CADM2: variants seen among roughly 807,000 people sequenced by gnomAD.
CADM2 encodes cell adhesion molecule 2.
A neutral mutation model predicts 49.8 loss-of-function variants in CADM2; 12 were observed. The observed-to-expected ratio is 0.24, with a 90% CI of 0.15 to 0.39. CADM2 has a LOEUF of 0.39. Among genes scored for constraint, CADM2 ranks in the 10% least tolerant of loss-of-function variants. CADM2 has a pLI of 1.00. For missense variants in CADM2, 378 were observed against 492.3 expected (o/e 0.77, Z 2.20); for synonymous variants, 214 against 175.4 (o/e 1.22, Z -1.74).
chr3:85,508,107 A>G (rs2040438945), intron 1 of CADM2, among the ~76,000 whole-genome samples: 2 of 152,162 alleles, frequency 1.3e-5, no homozygotes, highest in African/African-American at 2.4e-5. Context: ...AAGAAAGTAC[A>G]AAGAGGTGAA....
chr3:85,779,949 T>C (rs943406331), intron 2 of CADM2, among the ~76,000 whole-genome samples: 4 of 152,108 alleles, frequency 2.6e-5, no homozygotes, highest in African/African-American at 4.8e-5. Context: ...CTGGTGAAGA[T>C]ATAGATACGA....
intron 2 of CADM2, among the ~76,000 whole-genome samples, chr3:85,748,077 C>T (rs2068692115): frequency 6.6e-6 from 1 of 151,900 alleles, no homozygotes; most frequent in Non-Finnish European, 1.5e-5. Flanking sequence ...TTTAAAAATG[C>T]ATGTGTGTGA....
intron 1 of CADM2, among the ~76,000 whole-genome samples, chr3:85,322,562 AATT>A (rs2044641700): frequency 6.6e-6 from 1 of 152,234 alleles, no homozygotes; most frequent in Non-Finnish European, 1.5e-5. Context: ...AGGCTCAAGA[AATT>A]ATTAATAGAA....
chr3:85,714,620 C>T (rs915700459), intron 1 of CADM2, among the ~76,000 whole-genome samples: 4 of 151,978 alleles, frequency 2.6e-5, no homozygotes, highest in Admixed American at 6.6e-5. Flanking sequence ...TTAGTAGAGA[C>T]GGGGTTTCAC....
Position 85,880,600 on chromosome 3 carries a change from A to G in CADM2, c.239-2691A>G, listed in dbSNP as rs149220094. ...TCATAGTTGATAGTTCTTTTTCAGA[A>G]GTTGAAAAATGCACCACTTCCTCTG... On this transcript the variant is annotated intron_variant, in intron 3 of 9. Coordinates refer to ENST00000383699, the MANE Select transcript of CADM2 (RefSeq NM_001167675.2). Among the ~76,000 whole-genome samples the G allele has an allele frequency of 2.0e-4, 31 of 152,326 alleles. No individual in the cohort carries two copies. In the East Asian group the frequency reaches 2.7e-3, roughly 13 times the overall value.
intron 1 of CADM2, among the ~76,000 whole-genome samples, chr3:85,650,544 G>A (rs2065015742): frequency 6.7e-6 from 1 of 148,588 alleles, no homozygotes. Context: ...ATGCCAAAAT[G>A]CTAAATCTGA....
intron 1 of CADM2, among the ~76,000 whole-genome samples, chr3:84,978,876 A>T (rs1020971668): frequency 6.6e-6 from 1 of 152,204 alleles, no homozygotes; most frequent in Non-Finnish European, 1.5e-5. Flanking sequence ...GGCACTTTAG[A>T]TTTAAACATG....
At chr3:85,206,944 A>G (rs2041657701) in intron 1 of CADM2, among the ~76,000 whole-genome samples, 1 of 150,402 alleles carries the variant, frequency 6.6e-6, no homozygotes, top group Non-Finnish European at 1.5e-5. Context: ...CTCCTCAAAT[A>G]AATAATATTT....
intron 1 of CADM2, among the ~76,000 whole-genome samples, chr3:85,072,829 T>TTTAA (rs1166065992): frequency 6.6e-6 from 1 of 152,090 alleles, no homozygotes; most frequent in Non-Finnish European, 1.5e-5. Context: ...TAAAAATGAT[T>TTTAA]ACCTTAAAAA....
At chr3:86,017,403 A>T (rs1732415565) in intron 8 of CADM2, among the ~76,000 whole-genome samples, 1 of 152,018 alleles carries the variant, frequency 6.6e-6, no homozygotes, top group Non-Finnish European at 1.5e-5. Flanking sequence ...TTTTTACTTG[A>T]TCATAAAATA....
At chr3:85,956,932 A>G (rs1051818698) in intron 7 of CADM2, among the ~76,000 whole-genome samples, 3 of 151,674 alleles carry the variant, frequency 2.0e-5, no homozygotes, top group African/African-American at 4.8e-5. Flanking sequence ...AAGTTCAAAC[A>G]TCAAGAAAAG....
intron 1 of CADM2, among the ~76,000 whole-genome samples, chr3:85,284,215 G>T (rs2043572516): frequency 6.6e-6 from 1 of 152,058 alleles, no homozygotes; most frequent in South Asian, 2.1e-4. Context: ...AGCTCTAAGA[G>T]TTTGAGGATC....
At chr3:85,949,069 T>C (rs1723081650) in intron 7 of CADM2, among the ~76,000 whole-genome samples, 1 of 151,438 alleles carries the variant, frequency 6.6e-6, no homozygotes, top group African/African-American at 2.4e-5. Context: ...ATTGAAAATA[T>C]AACAGCAATG....
intron 3 of CADM2, among the ~76,000 whole-genome samples, chr3:85,818,172 G>A (rs2073334341): frequency 2.0e-5 from 3 of 152,078 alleles, no homozygotes. Context: ...ACGAAACGGA[G>A]ATTTCTAATT....
chr3:85,778,556 C>A lies in CADM2; in HGVS notation c.89-23491C>A, dbSNP rs77430685. ...CTTGCACTCACTCCATCCTGCCACT[C>A]TGTGAAGAAGGTTTCTCCTTTGCCT... On this transcript the variant is annotated intron_variant, in intron 2 of 9. Coordinates refer to ENST00000383699, the MANE Select transcript of CADM2 (RefSeq NM_001167675.2). 7.3e-3 allele frequency among the ~76,000 whole-genome samples: 1,110 copies of A among 152,182 alleles called. 12 individuals carry two copies. Among genetic ancestry groups the A allele is most frequent in the African/African-American group, 0.025 (1,046 of 41,532 alleles).
At chr3:85,099,435 T>C (rs2037927797) in intron 1 of CADM2, among the ~76,000 whole-genome samples, 1 of 151,824 alleles carries the variant, frequency 6.6e-6, no homozygotes, top group African/African-American at 2.4e-5. Context: ...TCTCCCTTAG[T>C]TGCAGAAACT....
At chr3:85,273,740 G>T (rs2043297634) in intron 1 of CADM2, among the ~76,000 whole-genome samples, 1 of 133,596 alleles carries the variant, frequency 7.5e-6, no homozygotes, top group African/African-American at 4.0e-5. Context: ...AGATGGAAAT[G>T]TTAAATAAAC....
intron 1 of CADM2, among the ~76,000 whole-genome samples, chr3:85,637,163 A>T (rs1185355485): frequency 1.3e-5 from 2 of 152,140 alleles, no homozygotes; most frequent in Non-Finnish European, 2.9e-5. Flanking sequence ...TACAAAAGTC[A>T]TATATTTTTT....
intron 8 of CADM2, among the ~76,000 whole-genome samples, chr3:85,967,985 T>A (rs1212915456): frequency 2.6e-5 from 4 of 151,618 alleles, no homozygotes; most frequent in African/African-American, 9.7e-5. Context: ...ATGAGCATTT[T>A]TCCTTTGGAG....
Sources: allele counts gnomAD v4.1 joint callset (sites outside exome capture counted in the v4.1 genomes callset), GRCh38; gene constraint gnomAD v4.1.1; transcripts MANE v1.5; gene names NCBI Gene and HGNC (gene_info 2026-07-23, HGNC 2026-07-21).